The following NID1 variants were observed in gnomAD, a reference collection of about 807,000 sequenced individuals.
The protein encoded by NID1 is nidogen 1.
In NID1, 76 loss-of-function variants were observed where a neutral mutation model predicts 130.6. The observed-to-expected ratio is 0.58, with a 90% CI of 0.48 to 0.70. The LOEUF is 0.70. NID1 is among the 30% of genes least tolerant of loss of function. NID1 has a pLI of 0.00. For synonymous variants in NID1, 665 were observed against 675.1 expected (o/e 0.98, Z 0.23); for missense variants, 1,517 against 1,664.8 (o/e 0.91, Z 1.54).
intron 1 of NID1, 125 bp downstream of exon 1, chr1:236,064,730 C>A (rs1660143908): frequency 3.8e-6 from 3 of 790,166 alleles, no homozygotes; most frequent in Non-Finnish European, 5.9e-6. Flanking sequence ...TGCGCCGTGC[C>A]CGGTGCCCCG....
chr1:236,016,831 TG>T (rs1335928598), intron 10 of NID1, among the ~76,000 whole-genome samples: 2 of 85,414 alleles, frequency 2.3e-5, no homozygotes, highest in Non-Finnish European at 4.1e-5. Context: ...GGAAGAAACA[TG>T]TCTAATAGCT....
At chr1:236,009,052 G>C (rs1314116739) in intron 12 of NID1, among the ~76,000 whole-genome samples, 2 of 152,192 alleles carry the variant, frequency 1.3e-5, no homozygotes, top group Non-Finnish European at 2.9e-5. Context: ...TAAAACATTA[G>C]AAACGCAGAC....
At position 236,044,487 on chromosome 1, in the gene NID1, G is replaced by A. The variant is rs78970767; in HGVS notation, c.752+970C>T. 6.0e-3 allele frequency among the ~76,000 whole-genome samples: 918 copies of A among 152,250 alleles called. 7 individuals are homozygous for A. Among genetic ancestry groups the A allele is most frequent in the South Asian group, 0.023 (110 of 4,822 alleles). ...TGAACTCTTCAATGAGTGACATGAC[G>A]TTAATAACTTGAACTTGGCCATCGT... On this transcript the variant is annotated intron_variant, in intron 3 of 19. Transcript: ENST00000264187.
intron 1 of NID1, among the ~76,000 whole-genome samples, chr1:236,061,067 A>C (rs1355165118): frequency 6.6e-6 from 1 of 152,250 alleles, no homozygotes; most frequent in Non-Finnish European, 1.5e-5. Context: ...CCCAAAAGTC[A>C]TGGTTGATGA....
chr1:236,027,459 T>A (rs1262925758), intron 7 of NID1, among the ~76,000 whole-genome samples: 1 of 151,860 alleles, frequency 6.6e-6, no homozygotes, highest in East Asian at 1.9e-4. Flanking sequence ...GTCTCCCAGC[T>A]CCCCAGGAGA....
chr1:236,027,533 G>A (rs1054628165), intron 7 of NID1, among the ~76,000 whole-genome samples: 2 of 152,098 alleles, frequency 1.3e-5, no homozygotes. Flanking sequence ...TTTAATAAGA[G>A]CCTTTAAAAA....
At chr1:235,981,944 C>T (rs1657447250) in intron 15 of NID1, among the ~76,000 whole-genome samples, 162 bp from the exon 16 acceptor site, 1 of 152,194 alleles carries the variant, frequency 6.6e-6, no homozygotes, top group African/African-American at 2.4e-5. Context: ...ATAAACAACA[C>T]TCAAAGTGAC....
At chr1:236,047,560 G>A (rs1011607030) in intron 2 of NID1, among the ~76,000 whole-genome samples, 5 of 151,812 alleles carry the variant, frequency 3.3e-5, no homozygotes, top group Admixed American at 6.6e-5. Context: ...CTGCGCCCAC[G>A]GAGAGGCCAA....
intron 6 of NID1, among the ~76,000 whole-genome samples, chr1:236,030,360 C>T (rs1487924313): frequency 1.3e-5 from 2 of 152,122 alleles, no homozygotes; most frequent in African/African-American, 4.8e-5. Context: ...TGACCTGCCC[C>T]GTGACAGCAG....
At chr1:236,046,090 G>A (rs1254475053) in intron 2 of NID1, among the ~76,000 whole-genome samples, 1 of 152,062 alleles carries the variant, frequency 6.6e-6, no homozygotes, top group Non-Finnish European at 1.5e-5. Context: ...CCCAAGCACC[G>A]TACAGTAGAA....
intron 10 of NID1, among the ~76,000 whole-genome samples, chr1:236,015,765 C>G (rs1420393917): frequency 2.0e-5 from 3 of 151,800 alleles, no homozygotes; most frequent in African/African-American, 7.3e-5. Flanking sequence ...CTCCATGGGT[C>G]ACAGGAAACC....
intron 10 of NID1, among the ~76,000 whole-genome samples, chr1:236,014,005 C>T (rs1658510266): frequency 1.3e-5 from 2 of 152,102 alleles, no homozygotes; most frequent in South Asian, 4.1e-4. Context: ...CAGCCTTGGC[C>T]CACCCTGTAC....
At chr1:236,038,416 C>T (rs1199671370) in intron 4 of NID1, among the ~76,000 whole-genome samples, 163 bp from the exon 5 acceptor site, 4 of 152,164 alleles carry the variant, frequency 2.6e-5, no homozygotes, top group African/African-American at 9.7e-5. Context: ...TACAGGTAGC[C>T]ACTTAAATAG....
intron 3 of NID1, 77 bp downstream of exon 3, chr1:236,045,380 G>T: frequency 9.8e-7 from 1 of 1,015,876 alleles, no homozygotes; most frequent in Non-Finnish European, 1.5e-6. Flanking sequence ...TTTAGGTAAT[G>T]ATCTATAATA....
rs34406281 is a variant in NID1, at chr1:236,042,041, C to A, written c.1004G>T (p.Arg335Leu). ...AAGGGGCCTTTCGGTAGCTGCCCGGCGCGGGGAGAGGACGCTGGGCACACT... is the reference window on the plus strand; with the variant it reads ...AAGGGGCCTTTCGGTAGCTGCCCGGAGCGGGGAGAGGACGCTGGGCACACT... ...TYSVPSVLSP[R>L]RAATERPLGP... Residue 335 changes from arginine (R) to leucine (L), a missense_variant, in exon 4 of 20, where the codon CGC becomes CTC. Transcript: ENST00000264187. 2.5e-6 allele frequency: 4 copies of A among 1,614,074 alleles called. No homozygotes were observed. Among genetic ancestry groups the A allele is most frequent in the Admixed American group, 1.7e-5 (1 of 60,008 alleles).
chr1:236,041,744 A>G (rs1659457413), intron 4 of NID1, among the ~76,000 whole-genome samples, 166 bp downstream of exon 4: 2 of 152,226 alleles, frequency 1.3e-5, no homozygotes, highest in South Asian at 4.1e-4. Flanking sequence ...CACTGGGCAT[A>G]TAACACCAAG....
In NID1 at chr1:235,975,974, A is replaced by T. The variant is rs1231221527; in HGVS notation, c.*1893T>A. 6.5e-6 allele frequency: 1 copy of T among 152,684 alleles called. No individual in the cohort carries two copies. The allele number at this position is 152,684 out of a possible 1,614,324, so 9.5% of individuals were successfully genotyped here. On this transcript the variant is annotated 3_prime_UTR_variant, in exon 20 of 20. Coordinates refer to ENST00000264187, the MANE Select transcript of NID1 (RefSeq NM_002508.3). ...CAGTTTAAGAATTTACCATTAAAAAATTTTAGAATAAATCTAATAAAATGA... is the reference window on the plus strand; with the variant it reads ...CAGTTTAAGAATTTACCATTAAAAATTTTTAGAATAAATCTAATAAAATGA...
Position 236,017,284 on chromosome 1 carries a change from A to C in NID1, c.2129-11T>G. On this transcript the variant is annotated splice_polypyrimidine_tract_variant and intron_variant, in intron 9 of 19. Transcript: ENST00000264187. ...AACATTCATCAATATCTGCAGCAAA[A>C]ATTTTTTTTTACTGCAGGCTTTTTT... 1 of 1,612,544 alleles carries C rather than the reference A, an allele frequency of 6.2e-7. No homozygotes were observed. The highest frequency in any genetic ancestry group is 8.5e-7 in the Non-Finnish European group (1 of 1,179,622).
At chr1:236,054,834 G>T (rs1236501668) in intron 1 of NID1, among the ~76,000 whole-genome samples, 1 of 151,464 alleles carries the variant, frequency 6.6e-6, no homozygotes, top group Non-Finnish European at 1.5e-5. Flanking sequence ...TGGACACAGG[G>T]TTTCACCATG....
Sources: gnomAD v4.1 joint callset for allele counts (sites outside exome capture counted in the v4.1 genomes callset) on GRCh38, gnomAD v4.1.1 for gene constraint, MANE v1.5 for transcripts, NCBI Gene and HGNC (gene_info 2026-07-23, HGNC 2026-07-21) for gene names.